UHRF1: variants seen among roughly 807,000 people sequenced by gnomAD.
UHRF1 encodes E3 ubiquitin-protein ligase UHRF1.
A neutral mutation model predicts 96.5 loss-of-function variants in UHRF1; 9 were observed. That is an observed-to-expected ratio of 0.09 (90% CI 0.06 to 0.16). The LOEUF (loss-of-function observed/expected upper bound fraction) is 0.16. Among genes scored for constraint, UHRF1 ranks in the 10% least tolerant of loss-of-function variants. The pLI is 1.00. For synonymous variants in UHRF1, 455 were observed against 469.9 expected (o/e 0.97, Z 0.41); for missense variants, 626 against 1,131.1 (o/e 0.55, Z 6.40).
rs1334266744 is a variant in UHRF1 at position 4,941,092 on chromosome 19, T to TG, written c.786-436_786-435insG. Among the ~76,000 whole-genome samples, 317 of 139,080 alleles carry TG rather than the reference T, an allele frequency of 2.3e-3. 1 individual carries two copies. The highest frequency in any genetic ancestry group is 8.0e-3 in the African/African-American group (291 of 36,528). 91.2% of individuals were successfully genotyped at this position (139,080 alleles called of 152,430 possible). A position where few individuals can be genotyped will look rare whatever the true frequency, so the allele number is the denominator to read the frequency against. ...CTCTGGTTTCTGTGTTTTGTTTTTTTTTTTTTTTTTTTTTTTGAGACTGAG... is the reference window on the plus strand; with the variant it reads ...CTCTGGTTTCTGTGTTTTGTTTTTTTGTTTTTTTTTTTTTTTTGAGACTGAG... On this transcript the variant is annotated intron_variant, in intron 5 of 16. Coordinates refer to ENST00000650932, the MANE Select transcript of UHRF1 (RefSeq NM_001048201.3).
At position 4,941,753 on chromosome 19, in the gene UHRF1, G is replaced by A. The variant is rs746199151; in HGVS notation, c.895G>A (p.Gly299Arg). The A allele has an allele frequency of 1.9e-6, 3 of 1,545,580 alleles. No homozygotes were observed. The highest frequency in any genetic ancestry group is 2.4e-5 in the South Asian group (2 of 83,598). ...TGCCGCCCCGTGCCCAGGGAAGAGCGGGCCGTCCTGCAAGCACTGCAAGGA... is the reference window on the plus strand; with the variant it reads ...TGCCGCCCCGTGCCCAGGGAAGAGCAGGCCGTCCTGCAAGCACTGCAAGGA... ...MVDNPMRRKS[G>R]PSCKHCKDDV... Residue 299 changes from glycine to arginine, a missense_variant, in exon 7 of 17, where the codon GGG (glycine) becomes AGG (arginine). This residue lies in a region of UHRF1 where 198 missense variants were observed against 235.1 expected (regional missense o/e 0.84). Transcript: ENST00000650932.
chr19:4,953,960 C>T (rs1042112188), intron 13 of UHRF1, among the ~76,000 whole-genome samples: 3 of 151,780 alleles, frequency 2.0e-5, no homozygotes, highest in Non-Finnish European at 4.4e-5. Context: ...GCAGGAGAAT[C>T]GAGAAGCTGG....
At chr19:4,956,966 G>T (rs1438185257) in intron 16 of UHRF1, among the ~76,000 whole-genome samples, 153 bp downstream of exon 16, 1 of 152,156 alleles carries the variant, frequency 6.6e-6, no homozygotes, top group Non-Finnish European at 1.5e-5. Context: ...CTGCTTTCTG[G>T]GCAGCCTGTA....
At chr19:4,952,403 T>TTC (rs1280468205) in intron 13 of UHRF1, among the ~76,000 whole-genome samples, 2 of 146,526 alleles carry the variant, frequency 1.4e-5, no homozygotes, top group African/African-American at 2.5e-5. Context: ...CTTTTTTTTT[T>TTC]TTTTTTTTTG....
chr19:4,918,877 A>G (rs1261379059), intron 2 of UHRF1, among the ~76,000 whole-genome samples: 3 of 151,154 alleles, frequency 2.0e-5, no homozygotes, highest in African/African-American at 7.3e-5. Flanking sequence ...GTATACTACT[A>G]TACCTGGCTG....
chr19:4,932,962 C>T lies in UHRF1; in HGVS notation c.785+6C>T. 1 of 1,601,476 alleles carries T rather than the reference C, an allele frequency of 6.2e-7. No individual in the cohort carries two copies. Among genetic ancestry groups the T allele is most frequent in the Non-Finnish European group, 8.5e-7 (1 of 1,173,450 alleles). ...TACGCCAACGTGGTGCTGGGGTGAGCCTCGCGTCCTGGGGCGAGCCCTTCC... is the reference window on the plus strand; with the variant it reads ...TACGCCAACGTGGTGCTGGGGTGAGTCTCGCGTCCTGGGGCGAGCCCTTCC... On this transcript the variant is annotated splice_donor_region_variant and intron_variant, in intron 5 of 16. Coordinates refer to ENST00000650932, the MANE Select transcript of UHRF1 (RefSeq NM_001048201.3).
intron 2 of UHRF1, among the ~76,000 whole-genome samples, chr19:4,915,388 G>T (rs1334268118): frequency 1.3e-5 from 2 of 152,120 alleles, no homozygotes. Flanking sequence ...AAACCGGTGG[G>T]CGTGGCTTTG....
upstream of UHRF1, chr19:4,909,465 A>G (rs1220013888): frequency 1.5e-6 from 1 of 654,454 alleles, no homozygotes; most frequent in Non-Finnish European, 2.8e-6. Context: ...GCGGCCCCGC[A>G]ACTCCCAAAT....
intron 1 of UHRF1, chr19:4,910,638 CTT>C (rs1344837900): frequency 2.5e-6 from 1 of 399,230 alleles, no homozygotes; most frequent in Non-Finnish European, 4.4e-6. Flanking sequence ...TCAATTCCCT[CTT>C]TTCATTCTCC....
At chr19:4,934,009 G>GT (rs2033143151) in intron 5 of UHRF1, among the ~76,000 whole-genome samples, 1 of 146,984 alleles carries the variant, frequency 6.8e-6, no homozygotes, top group South Asian at 2.1e-4. Context: ...TAAAATGTAT[G>GT]TAACAGAAAA....
At position 4,941,579 on chromosome 19, in the gene UHRF1, G is replaced by A. The variant is rs754340053; in HGVS notation, c.837G>A (p.Lys279=). The change falls in exon 6 of 17, where the codon AAG becomes AAA. Residue 279 remains lysine, a synonymous_variant. Transcript: ENST00000650932. ...TCATCTTCGTGGACGAAGTCTTCAA[G>A]ATTGAGCGGCCGGGTGAAGGGAGCC... The part of the protein sequence containing the change: ...CRIIFVDEVF[K]IERPGEGSPM... 6.8e-6 allele frequency: 11 copies of A among 1,613,794 alleles called. 1 individual carries two copies. In the South Asian group the frequency reaches 1.2e-4, roughly 18 times the overall value.
At chr19:4,917,115 T>G (rs397766464) in intron 2 of UHRF1, among the ~76,000 whole-genome samples, 17,890 of 139,416 alleles carry the variant, frequency 0.13, 1,007 homozygotes, top group Non-Finnish European at 0.17. Context: ...GTTTTCGTTT[T>G]TTTTTTTTTT....
upstream of UHRF1, among the ~76,000 whole-genome samples, chr19:4,905,169 T>A (rs1205535213): frequency 7.2e-6 from 1 of 138,828 alleles, no homozygotes; most frequent in Non-Finnish European, 1.5e-5. Flanking sequence ...CAGGCTGGAG[T>A]GCAGTGGTGT....
upstream of UHRF1, among the ~76,000 whole-genome samples, chr19:4,906,180 C>T (rs1209691790): frequency 6.6e-6 from 1 of 152,060 alleles, no homozygotes; most frequent in Non-Finnish European, 1.5e-5. Context: ...GTTCTCACTA[C>T]GTTGCCCAAG....
intron 11 of UHRF1, 35 bp downstream of exon 11, chr19:4,947,246 T>G (rs1269806526): frequency 6.3e-7 from 1 of 1,580,106 alleles, no homozygotes; most frequent in East Asian, 2.2e-5. Flanking sequence ...TCCTTGCTGA[T>G]GCATATCTGC....
At chr19:4,914,590 A>G (rs2032418329) in intron 2 of UHRF1, among the ~76,000 whole-genome samples, 1 of 151,444 alleles carries the variant, frequency 6.6e-6, no homozygotes, top group African/African-American at 2.4e-5. Context: ...GATCGAGGGC[A>G]GTGACTTTGG....
rs779265711 is a variant in UHRF1, at chr19:4,944,242, G to A, written c.1184G>A (p.Arg395Gln). The change falls in exon 8 of 17, where the codon CGG becomes CAG. Residue 395 changes from arginine to glutamine, a missense_variant. Transcript: ENST00000650932. The stretch of plus-strand genomic sequence containing the variant: ...GCCTCGGCCACATCGTCCTCACAGC[G>A]GGACTGGGGCAAGGTGAGGCGGGTC... Reference protein sequence around the residue: ...KMASATSSSQRDWGKGMACVG... With the variant: ...KMASATSSSQQDWGKGMACVG... 1 of 1,614,066 alleles carries A rather than the reference G, an allele frequency of 6.2e-7. No individual in the cohort carries two copies. Among genetic ancestry groups the A allele is most frequent in the Non-Finnish European group, 8.5e-7 (1 of 1,179,898 alleles).
intron 13 of UHRF1, among the ~76,000 whole-genome samples, chr19:4,951,534 C>G (rs558600670): frequency 6.6e-6 from 1 of 152,210 alleles, no homozygotes; most frequent in South Asian, 2.1e-4. Context: ...TATAAATCCT[C>G]CAGCCAGGGG....
intron 2 of UHRF1, among the ~76,000 whole-genome samples, chr19:4,917,744 G>C (rs2032572024): frequency 6.8e-6 from 1 of 147,706 alleles, no homozygotes; most frequent in Non-Finnish European, 1.5e-5. Context: ...TGCAACCTCT[G>C]TTTTCCAGGC....
Sources: allele counts gnomAD v4.1 joint callset (sites outside exome capture counted in the v4.1 genomes callset), GRCh38; gene constraint gnomAD v4.1.1; regional missense constraint gnomAD v4.1.1; transcripts MANE v1.5; gene names NCBI Gene and HGNC (gene_info 2026-07-23, HGNC 2026-07-21).